The following SLC25A29 variants were observed in gnomAD, a reference collection of about 807,000 sequenced individuals.
SLC25A29 encodes solute carrier family 25 member 29.
A neutral mutation model predicts 10.0 loss-of-function variants in SLC25A29; 13 were observed. The observed-to-expected ratio is 1.30, with a 90% CI of 0.85 to 2.07. The LOEUF is 2.07. Ranked by LOEUF, SLC25A29 falls within the 30% of genes most tolerant of loss-of-function variation. SLC25A29 has a pLI of 0.00. For missense variants in SLC25A29, 475 were observed against 447.6 expected (o/e 1.06, Z -0.55); for synonymous variants, 244 against 221.1 (o/e 1.10, Z -0.92).
intron 1 of SLC25A29, among the ~76,000 whole-genome samples, chr14:100,304,226 A>C (rs1262242004): frequency 1.3e-5 from 2 of 152,168 alleles, no homozygotes; most frequent in Admixed American, 6.5e-5. Context: ...TACGGGTCCC[A>C]AGGTGGGGTG....
At chr14:100,299,892 C>G (rs1203943773) in intron 1 of SLC25A29, 1 of 985,358 alleles carries the variant, frequency 1.0e-6, no homozygotes, top group African/African-American at 1.7e-5. Flanking sequence ...CATTCTCACT[C>G]TTCCACTTGA....
Position 100,306,184 on chromosome 14 carries a change from C to A in SLC25A29, c.34+15G>T. 1 of 1,482,584 alleles carries A rather than the reference C, an allele frequency of 6.7e-7. No homozygotes were observed. Among genetic ancestry groups the A allele is most frequent in the Non-Finnish European group, 8.9e-7 (1 of 1,122,922 alleles). 91.8% of individuals were successfully genotyped at this position (1,482,584 alleles called of 1,614,324 possible). ...ACGCCTCGCCCCGGCCCGGCCCGGC[C>A]CGCCGCCTCCTTACCCCCCGCGCAT... On this transcript the variant is annotated intron_variant, in intron 1 of 3. Transcript: ENST00000359232.
the SLC25A29 span, among the ~76,000 whole-genome samples, chr14:100,283,056 C>A: frequency 6.6e-6 from 1 of 152,236 alleles, no homozygotes; most frequent in Non-Finnish European, 1.5e-5. Context: ...ACCCACTGTT[C>A]AGAAAGCACA....
In SLC25A29 at chr14:100,292,574, G is replaced by T; in HGVS notation, c.621C>A (p.Thr207=). Residue 207 remains threonine, a synonymous_variant, in exon 4 of 4, where the codon ACC becomes ACA. Transcript: ENST00000359232. ...GTSGIVSWLS[T]YPVDVVKSRL... is the part of the protein sequence containing the mutation. ...GCGACTTGACCACGTCCACAGGATA[G>T]GTAGAGAGCCAGGACACGATGCCTG... 2 of 1,603,624 alleles carry T rather than the reference G, an allele frequency of 1.2e-6. No homozygotes were observed. The highest frequency in any genetic ancestry group is 1.7e-6 in the Non-Finnish European group (2 of 1,176,066).
Position 100,292,277 on chromosome 14 carries a change from T to G in SLC25A29, c.*6A>C. ...GGAGCCCTGGGGAAGGAGGGCGGGG[T>G]GAGCGTCACAGGCTGGAGGGCTGCG... On this transcript the variant is annotated 3_prime_UTR_variant, in exon 4 of 4. Transcript: ENST00000359232. 3 of 1,533,952 alleles carry G rather than the reference T, an allele frequency of 2.0e-6. No individual in the cohort carries two copies. The highest frequency in any genetic ancestry group is 2.6e-6 in the Non-Finnish European group (3 of 1,141,368).
At position 100,292,799 on chromosome 14, in the gene SLC25A29, C is replaced by G. The variant is rs1162476811; in HGVS notation, c.396G>C (p.Lys132Asn). 2 of 1,593,518 alleles carry G rather than the reference C, an allele frequency of 1.3e-6. No individual in the cohort carries two copies. The highest frequency in any genetic ancestry group is 3.5e-5 in the Admixed American group (2 of 57,734). Residue 132 changes from lysine (K) to asparagine (N), a missense_variant, in exon 4 of 4, where the codon AAG (lysine) becomes AAC (asparagine). Lys to Asn is a moderately conservative substitution (Grantham distance 94). Coordinates refer to ENST00000359232, the MANE Select transcript of SLC25A29 (RefSeq NM_001039355.3). Reference sequence around the variant, plus strand: ...TCTGCGCGAGGCAGTCCAGCGAGCCCTTGTAGGTGCGCGCTGGGCCCGCGT... The same window carrying G: ...TCTGCGCGAGGCAGTCCAGCGAGCCGTTGTAGGTGCGCGCTGGGCCCGCGT... ...LQDAGPARTY[K>N]GSLDCLAQIY...
intron 2 of SLC25A29, chr14:100,294,710 C>T (rs1302733068): frequency 6.6e-6 from 1 of 152,224 alleles, no homozygotes; most frequent in African/African-American, 2.4e-5. Flanking sequence ...CGGGAACAGC[C>T]AGGCTTCTGC....
chr14:100,303,977 C>T (rs1046575401), intron 1 of SLC25A29, among the ~76,000 whole-genome samples: 1 of 152,186 alleles, frequency 6.6e-6, no homozygotes, highest in East Asian at 1.9e-4. Flanking sequence ...GGTTGATCCC[C>T]CAGTAGGGGA....
In SLC25A29 at chr14:100,296,840, C is replaced by T. The variant is rs189432958; in HGVS notation, c.78+2002G>A. ...GTCTTGATCTCCTGACCTTGTGATC[C>T]GCCCGCCTCAGCCTCCAGAAGTGCT... On this transcript the variant is annotated intron_variant, in intron 2 of 3. Coordinates refer to ENST00000359232, the MANE Select transcript of SLC25A29 (RefSeq NM_001039355.3). 6.7e-3 allele frequency among the ~76,000 whole-genome samples: 1,016 copies of T among 152,284 alleles called. 6 individuals carry two copies. The highest frequency in any genetic ancestry group is 0.017 in the Middle Eastern group (5 of 294).
chr14:100,286,304 CACA>C (rs1891541118), downstream of SLC25A29, among the ~76,000 whole-genome samples: 1 of 152,216 alleles, frequency 6.6e-6, no homozygotes, highest in Non-Finnish European at 1.5e-5. Flanking sequence ...CCAGTACTGT[CACA>C]ACACCAAACA....
chr14:100,283,579 G>T, the SLC25A29 span, among the ~76,000 whole-genome samples: 2 of 149,906 alleles, frequency 1.3e-5, no homozygotes, highest in African/African-American at 4.9e-5. Context: ...TCTGCCTCCC[G>T]GGTTCAAGCG....
the SLC25A29 span, among the ~76,000 whole-genome samples, chr14:100,285,532 G>T: frequency 6.6e-6 from 1 of 151,844 alleles, no homozygotes; most frequent in Non-Finnish European, 1.5e-5. Context: ...GGCGCGGTGG[G>T]GGCTGTCCAG....
intron 3 of SLC25A29, 127 bp from the exon 4 acceptor site, chr14:100,293,159 T>TA: frequency 6.9e-7 from 1 of 1,451,790 alleles, no homozygotes; most frequent in Non-Finnish European, 9.2e-7. Context: ...AGAATTTCGT[T>TA]AGAACCTAGG....
At chr14:100,283,728 G>A in the SLC25A29 span, among the ~76,000 whole-genome samples, 5 of 151,888 alleles carry the variant, frequency 3.3e-5, no homozygotes, top group African/African-American at 7.3e-5. Context: ...CAATCCACCC[G>A]CCTCGGCCTC....
intron 2 of SLC25A29, chr14:100,294,328 T>A (rs1419581825): frequency 6.6e-6 from 1 of 152,228 alleles, no homozygotes; most frequent in Admixed American, 6.5e-5. Context: ...ACCTCTTCCA[T>A]GTCAAAGTGC....
At chr14:100,280,018 G>C in the SLC25A29 span, 2 of 152,172 alleles carry the variant, frequency 1.3e-5, no homozygotes, top group African/African-American at 2.4e-5. Flanking sequence ...GACTCTCTCT[G>C]TTCACGTCTT....
downstream of SLC25A29, among the ~76,000 whole-genome samples, chr14:100,286,830 C>T (rs749370320): frequency 5.3e-5 from 8 of 152,236 alleles, no homozygotes; most frequent in Non-Finnish European, 1.2e-4. Flanking sequence ...CTTGCATTGC[C>T]GCTCCAGGGT....
the SLC25A29 span, among the ~76,000 whole-genome samples, chr14:100,284,279 T>A: frequency 1.1e-4 from 16 of 152,216 alleles, no homozygotes; most frequent in South Asian, 4.1e-4. Context: ...CCCTGGCCCT[T>A]GTTTATGGAG....
chr14:100,306,172 G>GC, intron 1 of SLC25A29, 27 bp downstream of exon 1: 2 of 1,435,012 alleles, frequency 1.4e-6, no homozygotes, highest in Non-Finnish European at 9.2e-7. Context: ...CCTCGCCCCG[G>GC]CCCGGCCCGG....
Sources: gnomAD v4.1 joint callset for allele counts (sites outside exome capture counted in the v4.1 genomes callset) on GRCh38, gnomAD v4.1.1 for gene constraint, MANE v1.5 for transcripts, NCBI Gene and HGNC (gene_info 2026-07-23, HGNC 2026-07-21) for gene names.